The following NBAS variants were observed in gnomAD, a reference collection of about 807,000 sequenced individuals.
NBAS encodes NAG/BC035112 fusion.
A neutral mutation model predicts 302.5 loss-of-function variants in NBAS; 219 were observed. That is an observed-to-expected ratio of 0.72 (90% CI 0.65 to 0.81). The LOEUF is 0.81. Ranked by LOEUF, NBAS falls within the 30% of genes least tolerant of loss-of-function variation. The probability of loss-of-function intolerance (pLI) is 0.00; values close to 1 mark genes in which losing one functional copy is unlikely to be tolerated. For synonymous variants in NBAS, 1,118 were observed against 1,021.6 expected, an observed-to-expected ratio of 1.09 and a Z score of -1.80; for missense variants, 2,932 against 2,841.6, an observed-to-expected ratio of 1.03 and a Z score of -0.72.
chr2:14,883,172 A>C, the NBAS span, among the ~76,000 whole-genome samples: 1 of 152,198 alleles, frequency 6.6e-6, no homozygotes, highest in African/African-American at 2.4e-5. Context: ...GGATAAAGAA[A>C]ATGAAAAGAA....
rs754894454 is a variant in NBAS, at chr2:15,534,893, C to CA, written c.648-253dup. ...GCAATCCCACTTGAAGATACTGACCCAAGAGAAATGAAAATGTATATCCAT... is the reference window on the plus strand; with the variant it reads ...GCAATCCCACTTGAAGATACTGACCCAAAGAGAAATGAAAATGTATATCCAT... On this transcript the variant is annotated intron_variant, in intron 8 of 51. Transcript: ENST00000281513. Among the ~76,000 whole-genome samples the CA allele has an allele frequency of 8.5e-5, 13 of 152,096 alleles. No homozygotes were observed. In the East Asian group the frequency reaches 1.4e-3, roughly 16 times the overall value.
chr2:15,530,546 G>T (rs1254366011), intron 9 of NBAS, among the ~76,000 whole-genome samples: 3 of 151,836 alleles, frequency 2.0e-5, no homozygotes, highest in Non-Finnish European at 4.4e-5. Flanking sequence ...ATTTATAAAA[G>T]ATCTCAAAAA....
At chr2:15,137,805 T>C in the NBAS span, among the ~76,000 whole-genome samples, 1 of 152,196 alleles carries the variant, frequency 6.6e-6, no homozygotes, top group Non-Finnish European at 1.5e-5. Flanking sequence ...AGAAACAGGC[T>C]TTCACTGTCA....
chr2:15,274,639 G>C (rs1181522456), intron 44 of NBAS, among the ~76,000 whole-genome samples: 1 of 152,184 alleles, frequency 6.6e-6, no homozygotes, highest in Non-Finnish European at 1.5e-5. Context: ...ACATTGCTGA[G>C]GGATTGAGTG....
intron 31 of NBAS, among the ~76,000 whole-genome samples, chr2:15,369,801 T>C (rs1264928515): frequency 6.6e-6 from 1 of 152,130 alleles, no homozygotes; most frequent in African/African-American, 2.4e-5. Context: ...AAAAACCTAT[T>C]ATAAAACACA....
At chr2:15,034,012 GAAGAAGAAGAAGAAGAGGAGGAGGA>G in the NBAS span, among the ~76,000 whole-genome samples, 8 of 51,074 alleles carry the variant, frequency 1.6e-4, no homozygotes, top group Admixed American at 2.0e-3. Flanking sequence ...AGAAGAAGAA[GAAGAAGAAGAAGAAGAGGAGGAGGA>G]AGGAGGAGGA....
the NBAS span, among the ~76,000 whole-genome samples, chr2:14,908,748 A>G: frequency 6.6e-6 from 1 of 152,196 alleles, no homozygotes; most frequent in Non-Finnish European, 1.5e-5. Context: ...AGGAAAGAGC[A>G]TTTTTGTGAG....
the NBAS span, among the ~76,000 whole-genome samples, chr2:15,012,180 A>G: frequency 9.2e-5 from 14 of 152,210 alleles, no homozygotes; most frequent in Non-Finnish European, 1.6e-4. Context: ...AAATAAGAAA[A>G]ACAATTCATT....
intron 11 of NBAS, among the ~76,000 whole-genome samples, chr2:15,489,672 T>C (rs1356146883): frequency 1.3e-5 from 2 of 152,224 alleles, no homozygotes; most frequent in African/African-American, 4.8e-5. Context: ...TGATTTCATA[T>C]AGTCAACCGA....
intron 10 of NBAS, among the ~76,000 whole-genome samples, chr2:15,510,705 T>A (rs1662096192): frequency 6.6e-6 from 1 of 152,206 alleles, no homozygotes. Flanking sequence ...GATGGATGAA[T>A]AGTCCATGTA....
chr2:14,900,089 C>T, the NBAS span, among the ~76,000 whole-genome samples: 20 of 149,422 alleles, frequency 1.3e-4, no homozygotes, highest in African/African-American at 3.9e-4. Flanking sequence ...ATGAGAGTTC[C>T]GAAGTCGATT....
the NBAS span, among the ~76,000 whole-genome samples, chr2:15,097,992 A>G: frequency 7.0e-5 from 7 of 99,466 alleles, no homozygotes; most frequent in Admixed American, 1.6e-4. Context: ...TATATATTAT[A>G]TTGTATATAA....
chr2:14,790,919 G>A, the NBAS span, among the ~76,000 whole-genome samples: 8 of 152,158 alleles, frequency 5.3e-5, no homozygotes, highest in East Asian at 3.9e-4. Context: ...GCAATGGCGC[G>A]ATCTTGGCTC....
intron 44 of NBAS, among the ~76,000 whole-genome samples, chr2:15,258,334 C>T (rs984788347): frequency 2.6e-5 from 4 of 151,990 alleles, no homozygotes; most frequent in Admixed American, 6.6e-5. Context: ...AGAATAATAG[C>T]GATTTTAGGG....
chr2:15,243,484 C>A (rs560338116), intron 44 of NBAS, among the ~76,000 whole-genome samples: 53 of 151,870 alleles, frequency 3.5e-4, no homozygotes, highest in Non-Finnish European at 6.2e-4. Flanking sequence ...AGACTATCTA[C>A]CGAAAGCCTC....
intron 51 of NBAS, among the ~76,000 whole-genome samples, chr2:15,178,735 GTCT>G (rs1664672502): frequency 6.6e-6 from 1 of 152,146 alleles, no homozygotes; most frequent in African/African-American, 2.4e-5. Context: ...GTAGAAAACT[GTCT>G]TCTTATTTGG....
the NBAS span, among the ~76,000 whole-genome samples, chr2:14,906,119 A>T: frequency 6.6e-6 from 1 of 152,164 alleles, no homozygotes; most frequent in Admixed American, 6.5e-5. Flanking sequence ...CAGCAGTAGT[A>T]GTAGTATTAG....
chr2:14,818,283 A>C, the NBAS span, among the ~76,000 whole-genome samples: 1 of 152,230 alleles, frequency 6.6e-6, no homozygotes, highest in Non-Finnish European at 1.5e-5. Flanking sequence ...TTTATTCTGA[A>C]CCACACTTGT....
At chr2:15,031,013 T>C in the NBAS span, among the ~76,000 whole-genome samples, 3 of 152,234 alleles carry the variant, frequency 2.0e-5, no homozygotes, top group African/African-American at 4.8e-5. Context: ...AGAACCCTAG[T>C]TGTGAATCAC....
Sources: gnomAD v4.1 joint callset for allele counts (sites outside exome capture counted in the v4.1 genomes callset) on GRCh38, gnomAD v4.1.1 for gene constraint, MANE v1.5 for transcripts, NCBI Gene and HGNC (gene_info 2026-07-23, HGNC 2026-07-21) for gene names.